TRPM6: variants seen among roughly 807,000 people sequenced by gnomAD.
The protein encoded by TRPM6 is transient receptor potential cation channel subfamily M member 6.
A neutral mutation model predicts 247.6 loss-of-function variants in TRPM6; 111 were observed. That is an observed-to-expected ratio of 0.45 (90% CI 0.38 to 0.52). The LOEUF is 0.52. Among genes scored for constraint, TRPM6 ranks in the 20% least tolerant of loss-of-function variants. The pLI, the probability that TRPM6 is intolerant of heterozygous loss-of-function variation, is 0.00. For missense variants in TRPM6, 2,126 were observed against 2,421.5 expected (o/e 0.88, Z 2.56); for synonymous variants, 892 against 853.8 (o/e 1.04, Z -0.78).
Position 74,818,293 on chromosome 9 carries a change from CT to C in TRPM6, c.1135-1330del, listed in dbSNP as rs1161401022. ...AACTCACGTTTCAGATCTATCATTT[CT>C]TTTTTTTTTTTTTTTTTTTTTTTTT... is the stretch of plus-strand genomic sequence containing the variant. On this transcript the variant is annotated intron_variant, in intron 9 of 38. Coordinates refer to ENST00000360774, the MANE Select transcript of TRPM6 (RefSeq NM_017662.5). Among the ~76,000 whole-genome samples, 339 of 72,016 alleles carry C rather than the reference CT, an allele frequency of 4.7e-3. 1 individual carries two copies. Among genetic ancestry groups the C allele is most frequent in the Middle Eastern group, 0.01 (1 of 96 alleles). 47.2% of individuals were successfully genotyped at this position (72,016 alleles called of 152,430 possible).
chr9:74,726,743 G>A (rs1825340651), intron 38 of TRPM6, among the ~76,000 whole-genome samples: 1 of 152,132 alleles, frequency 6.6e-6, no homozygotes, highest in South Asian at 2.1e-4. Flanking sequence ...ATCGGAGGAT[G>A]TTGAGTGAAT....
In TRPM6 at chr9:74,816,753, C is replaced by T. The variant is rs141597109; in HGVS notation, c.1224G>A (p.Ala408=). The T allele has an allele frequency of 1.3e-4, 205 of 1,614,118 alleles. No homozygotes were observed. Among genetic ancestry groups the T allele is most frequent in the African/African-American group, 6.7e-4 (50 of 75,038 alleles). Residue 408 remains alanine (A), a synonymous_variant, in exon 11 of 39, where the codon GCG becomes GCA. Coordinates refer to ENST00000360774, the MANE Select transcript of TRPM6 (RefSeq NM_017662.5). The part of the protein sequence containing the change: ...TALLKGTNLS[A]SEQLNLAMAW... ...CCATTGCCAGATTTAATTGCTCTGA[C>T]GCTGATAAATTTGTGCCTAGGGTAA... is the stretch of plus-strand genomic sequence containing the variant.
intron 1 of TRPM6, among the ~76,000 whole-genome samples, chr9:74,874,922 A>ATT (rs34049471): frequency 3.8e-4 from 54 of 142,832 alleles, no homozygotes; most frequent in Admixed American, 4.9e-4. Context: ...TGCCCAGCTA[A>ATT]TTTTTTTTTT....
chr9:74,747,345 T>C (rs1329221183), intron 31 of TRPM6, among the ~76,000 whole-genome samples: 1 of 152,076 alleles, frequency 6.6e-6, no homozygotes, highest in Non-Finnish European at 1.5e-5. Context: ...CCCAAGAAAG[T>C]GTGATGGAAC....
chr9:74,774,690 GT>G (rs1316320469), intron 24 of TRPM6, among the ~76,000 whole-genome samples: 1 of 152,016 alleles, frequency 6.6e-6, no homozygotes, highest in Non-Finnish European at 1.5e-5. Flanking sequence ...ATTCAGAACT[GT>G]TTTTTTCTAG....
At position 74,823,887 on chromosome 9, in the gene TRPM6, CCA is replaced by C. The variant is rs1829223510; in HGVS notation, c.842-2052_842-2051del. ...ACAAAAGAAGCATTATGAAATCACC[CCA>C]GTTTTTGCTTAAAAGATGTTGCTTG... On this transcript the variant is annotated intron_variant, in intron 7 of 38. Transcript: ENST00000360774. 2.0e-5 allele frequency among the ~76,000 whole-genome samples: 3 copies of C among 152,004 alleles called. No individual in the cohort carries two copies. The South Asian group carries it at 6.2e-4, about 32-fold the overall frequency.
intron 36 of TRPM6, 102 bp from the exon 37 acceptor site, chr9:74,732,838 C>T (rs1825567971): frequency 2.2e-6 from 2 of 914,222 alleles, no homozygotes; most frequent in Non-Finnish European, 3.5e-6. Context: ...TTAAAACTCA[C>T]AGTCACTCTG....
chr9:74,730,413 GGTT>G (rs1198652808), intron 37 of TRPM6, among the ~76,000 whole-genome samples: 3 of 152,140 alleles, frequency 2.0e-5, no homozygotes, highest in African/African-American at 7.2e-5. Context: ...TTTGGTAGAG[GGTT>G]ATCCTTTCAT....
chr9:74,764,209 G>A (rs1826752462), intron 25 of TRPM6, among the ~76,000 whole-genome samples: 1 of 151,904 alleles, frequency 6.6e-6, no homozygotes, highest in African/African-American at 2.4e-5. Flanking sequence ...ATCTCTGTAT[G>A]TGGATGAGGT....
At chr9:74,764,123 CAAA>C (rs79224540) in intron 25 of TRPM6, among the ~76,000 whole-genome samples, 3 of 98,276 alleles carry the variant, frequency 3.1e-5, no homozygotes, top group African/African-American at 3.7e-5. Flanking sequence ...GACTCCATCT[CAAA>C]AAAAAAAAAA....
At position 74,796,806 on chromosome 9, in the gene TRPM6, C is replaced by T. The variant is rs1163677915; in HGVS notation, c.2326G>A (p.Asp776Asn). 1 of 1,613,944 alleles carries T rather than the reference C, an allele frequency of 6.2e-7. No homozygotes were observed. Among genetic ancestry groups the T allele is most frequent in the Non-Finnish European group, 8.5e-7 (1 of 1,179,914 alleles). ...AEMSHVPQSQ[D>N]FQFMWYYSDQ... ...CTGTAATACCACATAAATTGGAAGT[C>T]CTGGGACTGGGGAACATGTGACATC... The change falls in exon 18 of 39, where the codon GAC becomes AAC. Residue 776 changes from aspartate to asparagine, a missense_variant. This residue lies in a region of TRPM6 where 1,082 missense variants were observed against 1,307.9 expected (regional missense o/e 0.83). Transcript: ENST00000360774.
At chr9:74,860,125 T>G (rs1587590867) in intron 1 of TRPM6, among the ~76,000 whole-genome samples, 1 of 152,114 alleles carries the variant, frequency 6.6e-6, no homozygotes, top group Non-Finnish European at 1.5e-5. Flanking sequence ...AAAACAGAGA[T>G]TAGTTGATGG....
intron 1 of TRPM6, among the ~76,000 whole-genome samples, chr9:74,873,532 ACTGT>A (rs1324544633): frequency 1.3e-5 from 2 of 152,238 alleles, no homozygotes; most frequent in South Asian, 2.1e-4. Flanking sequence ...GAAGGGAAAC[ACTGT>A]CTGTTTCCCA....
intron 21 of TRPM6, 31 bp downstream of exon 21, chr9:74,785,843 A>G: frequency 1.2e-6 from 2 of 1,613,664 alleles, no homozygotes; most frequent in Non-Finnish European, 1.7e-6. Context: ...TTAAAAAAGA[A>G]TACCAGGATA....
chr9:74,844,726 T>C (rs1327612087), intron 3 of TRPM6, among the ~76,000 whole-genome samples: 2 of 152,242 alleles, frequency 1.3e-5, no homozygotes, highest in East Asian at 1.9e-4. Flanking sequence ...GTAGCACTTA[T>C]AATTTCCATC....
intron 31 of TRPM6, among the ~76,000 whole-genome samples, 194 bp from the exon 32 acceptor site, chr9:74,744,339 A>G (rs988423556): frequency 1.3e-5 from 2 of 152,206 alleles, no homozygotes; most frequent in African/African-American, 4.8e-5. Flanking sequence ...CATCAATGTA[A>G]TATCTCCAAA....
chr9:74,855,250 G>A (rs1232228834), intron 3 of TRPM6, among the ~76,000 whole-genome samples: 1 of 152,184 alleles, frequency 6.6e-6, no homozygotes, highest in African/African-American at 2.4e-5. Flanking sequence ...TTATCCAAAT[G>A]TGATCATAAA....
intron 3 of TRPM6, among the ~76,000 whole-genome samples, chr9:74,855,064 C>T (rs1830482020): frequency 6.6e-6 from 1 of 151,740 alleles, no homozygotes; most frequent in Admixed American, 6.6e-5. Context: ...AAGAAAATTT[C>T]ATTTCCTTCT....
chr9:74,796,651 T>C, intron 18 of TRPM6, 90 bp downstream of exon 18: 4 of 1,357,810 alleles, frequency 2.9e-6, no homozygotes, highest in South Asian at 2.3e-5. Flanking sequence ...TTTTGTTTAA[T>C]AGATGGCTAT....
Sources: gnomAD v4.1 joint callset for allele counts (sites outside exome capture counted in the v4.1 genomes callset) on GRCh38, gnomAD v4.1.1 for gene constraint, gnomAD v4.1.1 regional missense constraint, MANE v1.5 for transcripts, NCBI Gene and HGNC (gene_info 2026-07-23, HGNC 2026-07-21) for gene names.